Variants in SH3PXD2A observed in about 807,000 individuals in gnomAD.
SH3PXD2A encodes the protein SH3 and PX domain-containing protein 2A.
In SH3PXD2A, 32 loss-of-function variants were observed where a neutral mutation model predicts 115.2. The observed-to-expected ratio is 0.28, with a 90% CI of 0.21 to 0.37. The LOEUF is 0.37. SH3PXD2A is among the 10% of genes least tolerant of loss of function. The pLI is 1.00. For missense variants in SH3PXD2A, 1,328 were observed against 1,498.7 expected, an observed-to-expected ratio of 0.89 and a Z score of 1.88; for synonymous variants, 610 against 629.1, an observed-to-expected ratio of 0.97 and a Z score of 0.45.
chr10:103,815,830 G>C (rs1303965082), intron 1 of SH3PXD2A, among the ~76,000 whole-genome samples: 2 of 151,538 alleles, frequency 1.3e-5, no homozygotes, highest in African/African-American at 4.8e-5. Context: ...CAGAGGTTGT[G>C]GTGAGCTGAG....
chr10:103,626,426 A>C (rs2036695605), intron 9 of SH3PXD2A, among the ~76,000 whole-genome samples: 1 of 152,208 alleles, frequency 6.6e-6, no homozygotes, highest in Non-Finnish European at 1.5e-5. Context: ...CATTAGGAGC[A>C]GGCAGCCAAG....
At chr10:103,628,567 G>A (rs1025026854) in intron 8 of SH3PXD2A, among the ~76,000 whole-genome samples, 4 of 152,052 alleles carry the variant, frequency 2.6e-5, no homozygotes, top group Admixed American at 6.5e-5. Flanking sequence ...CCTGTGGGCT[G>A]CCTGGACAGC....
intron 8 of SH3PXD2A, among the ~76,000 whole-genome samples, chr10:103,647,679 T>C (rs1024554810): frequency 6.6e-6 from 1 of 152,098 alleles, no homozygotes; most frequent in Non-Finnish European, 1.5e-5. Flanking sequence ...ATTCTCCCCA[T>C]GCAAAGCCCA....
chr10:103,661,493 G>C, intron 7 of SH3PXD2A: 1 of 234,216 alleles, frequency 4.3e-6, no homozygotes, highest in Non-Finnish European at 7.0e-6. Context: ...GGGGCCGACG[G>C]GGTCTCTCCG....
intron 5 of SH3PXD2A, among the ~76,000 whole-genome samples, chr10:103,719,712 T>A (rs969047343): frequency 2.1e-5 from 3 of 143,510 alleles, no homozygotes; most frequent in South Asian, 2.1e-4. Flanking sequence ...TTTCTTTTTT[T>A]TTTTCTTTCT....
Position 103,735,812 on chromosome 10 carries a change from G to C in SH3PXD2A, c.230-4C>G. On this transcript the variant is annotated splice_polypyrimidine_tract_variant and splice_region_variant and intron_variant, in intron 3 of 14. Transcript: ENST00000369774. ...CTTCTGCGGAAGAGGATCTTGCCTGGAAGAGAGATGCTCATGAGTGGGGGA... is the reference window on the plus strand; with the variant it reads ...CTTCTGCGGAAGAGGATCTTGCCTGCAAGAGAGATGCTCATGAGTGGGGGA... 1.2e-6 allele frequency: 2 copies of C among 1,612,764 alleles called. No individual in the cohort carries two copies. Among genetic ancestry groups the C allele is most frequent in the Non-Finnish European group, 1.7e-6 (2 of 1,178,806 alleles).
chr10:103,834,614 AAC>A, intron 1 of SH3PXD2A, among the ~76,000 whole-genome samples: 1 of 152,384 alleles, frequency 6.6e-6, no homozygotes, highest in South Asian at 2.1e-4. Flanking sequence ...GGAGGGAGCC[AAC>A]TGCTTCGGCA....
At chr10:103,741,448 T>C (rs1281790854) in intron 3 of SH3PXD2A, among the ~76,000 whole-genome samples, 1 of 152,034 alleles carries the variant, frequency 6.6e-6, no homozygotes, top group African/African-American at 2.4e-5. Flanking sequence ...TCTGGCCCTC[T>C]CTCCCCTGCT....
At chr10:103,808,148 G>C (rs576397136) in intron 1 of SH3PXD2A, among the ~76,000 whole-genome samples, 8 of 152,104 alleles carry the variant, frequency 5.3e-5, no homozygotes, top group Non-Finnish European at 1.2e-4. Context: ...CCCCATGAGA[G>C]TGCCTACATC....
intron 1 of SH3PXD2A, among the ~76,000 whole-genome samples, chr10:103,851,877 T>C (rs1030447107): frequency 5.3e-5 from 8 of 152,296 alleles, no homozygotes; most frequent in Non-Finnish European, 1.0e-4. Flanking sequence ...CAAATCCAAA[T>C]AGATACAATT....
chr10:103,682,255 GT>G (rs1359077690), intron 6 of SH3PXD2A, among the ~76,000 whole-genome samples: 26 of 152,242 alleles, frequency 1.7e-4, no homozygotes, highest in African/African-American at 6.0e-4. Context: ...CAATTGGGCA[GT>G]GGGGCTCAGC....
intron 3 of SH3PXD2A, among the ~76,000 whole-genome samples, chr10:103,761,437 T>C (rs542128492): frequency 6.6e-6 from 1 of 152,304 alleles, no homozygotes; most frequent in Admixed American, 6.5e-5. Flanking sequence ...GGAAACCAAA[T>C]AGCCAAACTT....
chr10:103,770,900 A>C (rs1376099927), intron 2 of SH3PXD2A, among the ~76,000 whole-genome samples: 1 of 152,228 alleles, frequency 6.6e-6, no homozygotes, highest in East Asian at 1.9e-4. Flanking sequence ...TTCCTTAATA[A>C]CAATGCATTT....
chr10:103,643,163 G>C (rs2036979437), intron 8 of SH3PXD2A, among the ~76,000 whole-genome samples: 1 of 152,134 alleles, frequency 6.6e-6, no homozygotes, highest in African/African-American at 2.4e-5. Context: ...CTTGGTGTGG[G>C]GAGCAGCCAC....
At chr10:103,706,648 C>T (rs541908539) in intron 5 of SH3PXD2A, among the ~76,000 whole-genome samples, 5 of 152,176 alleles carry the variant, frequency 3.3e-5, no homozygotes, top group Admixed American at 6.5e-5. Context: ...AATAAATGCA[C>T]GAATTCCCTG....
intron 1 of SH3PXD2A, among the ~76,000 whole-genome samples, chr10:103,847,469 A>G (rs983145927): frequency 1.3e-4 from 20 of 152,112 alleles, no homozygotes; most frequent in Admixed American, 1.3e-3. Context: ...GCATGCCTCC[A>G]CACCTGGCTT....
intron 4 of SH3PXD2A, among the ~76,000 whole-genome samples, chr10:103,734,833 T>C (rs551809647): frequency 5.3e-4 from 81 of 152,360 alleles, no homozygotes; most frequent in Middle Eastern, 6.8e-3. Context: ...GTTTGCCCTT[T>C]GTAAAAATAA....
intron 14 of SH3PXD2A, among the ~76,000 whole-genome samples, chr10:103,604,952 C>T (rs2036277797): frequency 6.6e-6 from 1 of 152,204 alleles, no homozygotes; most frequent in Non-Finnish European, 1.5e-5. Flanking sequence ...GCAGAGACTG[C>T]CCAATGAGTC....
chr10:103,785,337 T>A (rs571725074), intron 2 of SH3PXD2A, among the ~76,000 whole-genome samples: 1 of 152,258 alleles, frequency 6.6e-6, no homozygotes, highest in African/African-American at 2.4e-5. Flanking sequence ...AACAGACAGA[T>A]GAGACCCGGG....
Sources: gnomAD v4.1 joint callset for allele counts (sites outside exome capture counted in the v4.1 genomes callset) on GRCh38, gnomAD v4.1.1 for gene constraint, MANE v1.5 for transcripts, NCBI Gene and HGNC (gene_info 2026-07-23, HGNC 2026-07-21) for gene names.